RPS27L: variants seen among roughly 807,000 people sequenced by gnomAD.
The protein encoded by RPS27L is ribosomal protein S27 like.
A neutral mutation model predicts 12.8 loss-of-function variants in RPS27L; 10 were observed. That is an observed-to-expected ratio of 0.78 (90% CI 0.48 to 1.33). The LOEUF is 1.33. Among genes scored for constraint, RPS27L ranks in the 40% most tolerant of loss-of-function variants. RPS27L has a pLI of 0.00. For missense variants in RPS27L, 81 were observed against 97.4 expected, an observed-to-expected ratio of 0.83 and a Z score of 0.71; for synonymous variants, 26 against 32.3, an observed-to-expected ratio of 0.81 and a Z score of 0.66.
intron 2 of RPS27L, among the ~76,000 whole-genome samples, 162 bp downstream of exon 2, chr15:63,156,251 A>G (rs1235045008): frequency 1.3e-5 from 2 of 152,218 alleles, no homozygotes; most frequent in Non-Finnish European, 2.9e-5. Context: ...TGTTTCTACA[A>G]TGGTTTCAGT....
At chr15:63,156,282 C>A in intron 2 of RPS27L, 131 bp downstream of exon 2, 1 of 574,032 alleles carries the variant, frequency 1.7e-6, no homozygotes, top group South Asian at 2.5e-5. Context: ...TGAAAATGTC[C>A]CTGACATTTC....
At chr15:63,157,017 A>T (rs551507942) in intron 1 of RPS27L, 2 of 357,520 alleles carry the variant, frequency 5.6e-6, no homozygotes, top group African/African-American at 4.3e-5. Context: ...GACAGTTTTT[A>T]AAAAAGGAAA....
chr15:63,154,532 A>T (rs2037319599), intron 3 of RPS27L: 1 of 153,132 alleles, frequency 6.5e-6, no homozygotes, highest in South Asian at 2.1e-4. Flanking sequence ...TTGTTTCAAA[A>T]ATCTCCCAAG....
chr15:63,151,598 T>C lies in RPS27L; in HGVS notation c.*2434A>G, dbSNP rs2037299948. 6.6e-6 allele frequency: 1 copy of C among 152,168 alleles called. No individual in the cohort carries two copies. The highest frequency in any genetic ancestry group is 2.1e-4 in the South Asian group (1 of 4,828). 9.4% of individuals were successfully genotyped at this position (152,168 alleles called of 1,614,324 possible). A position where few individuals can be genotyped will look rare whatever the true frequency, so the allele number is the denominator to read the frequency against. ...ATACTTCCAAGGGAATTTTCAGGGTTTGTTAGATTAGTCCTCATCATAGGT... is the reference window on the plus strand; with the variant it reads ...ATACTTCCAAGGGAATTTTCAGGGTCTGTTAGATTAGTCCTCATCATAGGT... On this transcript the variant is annotated 3_prime_UTR_variant, in exon 4 of 4. Transcript: ENST00000330964.
rs372110783 is a variant in RPS27L, at chr15:63,149,965, T to G, written c.*4067A>C. On this transcript the variant is annotated 3_prime_UTR_variant, in exon 4 of 4. Transcript: ENST00000330964. ...GGCACGTGCCTGTAGTTCCAGCTAC[T>G]CGGGAGGCTGAGGCCAGAGGGTCAC... 25 of 152,090 alleles carry G rather than the reference T, an allele frequency of 1.6e-4. No individual in the cohort carries two copies. The highest frequency in any genetic ancestry group is 5.8e-4 in the African/African-American group (24 of 41,364). 9.4% of individuals were successfully genotyped at this position (152,090 alleles called of 1,614,324 possible). A position where few individuals can be genotyped will look rare whatever the true frequency, so the allele number is the denominator to read the frequency against.
rs1323337130 is a variant in RPS27L at position 63,150,769 on chromosome 15, T to C, written c.*3263A>G. On this transcript the variant is annotated 3_prime_UTR_variant, in exon 4 of 4. Coordinates refer to ENST00000330964, the MANE Select transcript of RPS27L (RefSeq NM_015920.4). ...CATTCTCCTGCCTCAGCCTCCCAAG[T>C]AGCTGGGACTACAGGCGCCCACCAC... 6.6e-6 allele frequency: 1 copy of C among 152,166 alleles called. No individual in the cohort carries two copies. The highest frequency in any genetic ancestry group is 1.9e-4 in the East Asian group (1 of 5,188). The allele number at this position is 152,166 out of a possible 1,614,324, so 9.4% of individuals were successfully genotyped here.
chr15:63,156,473 G>GT lies in RPS27L; in HGVS notation c.54dup (p.His19ThrfsTer2), dbSNP rs748811980. The GT allele has an allele frequency of 2.5e-6, 4 of 1,606,932 alleles. No individual in the cohort carries two copies. The South Asian group carries it at 3.3e-5, about 13-fold the overall frequency. ...CTTTGTACTAGGCGTTTCTTTTTAT[G>GT]TTTTTTCTTTTCCTCTTCCAAGGAC... is the stretch of plus-strand genomic sequence containing the variant. On this transcript the variant is annotated frameshift_variant, in exon 2 of 4. Transcript: ENST00000330964. LOFTEE classifies it high-confidence loss of function.
At chr15:63,155,876 C>G (rs75042153) in intron 2 of RPS27L, 145 bp from the exon 3 acceptor site, 1 of 434,864 alleles carries the variant, frequency 2.3e-6, no homozygotes, top group Non-Finnish European at 4.0e-6. Flanking sequence ...TTTCTAGCAG[C>G]GACACAAAAT....
rs765651156 is a variant in RPS27L, at chr15:63,155,610, A to C, written c.226+11T>G. Reference sequence around the variant, plus strand: ...TCTCATCACTGGGTTGGAGAATGCCAAATGATATACCTTCTGTGAGTCTGG... The same window carrying C: ...TCTCATCACTGGGTTGGAGAATGCCCAATGATATACCTTCTGTGAGTCTGG... On this transcript the variant is annotated intron_variant, in intron 3 of 3. Transcript: ENST00000330964. 2.6e-6 allele frequency: 4 copies of C among 1,547,386 alleles called. No individual in the cohort carries two copies. The Admixed American group carries it at 7.2e-5, about 28-fold the overall frequency.
intron 3 of RPS27L, chr15:63,154,829 T>C (rs2037321542): frequency 6.6e-6 from 1 of 152,248 alleles, no homozygotes; most frequent in African/African-American, 2.4e-5. Flanking sequence ...GTTTTTATAT[T>C]AATCATTGCA....
rs2037309860 is a variant in RPS27L, at chr15:63,152,941, G to C, written c.*1091C>G. 6.6e-6 allele frequency: 1 copy of C among 152,198 alleles called. No homozygotes were observed. The highest frequency in any genetic ancestry group is 1.5e-5 in the Non-Finnish European group (1 of 68,064). The allele number at this position is 152,198 out of a possible 1,614,324, so 9.4% of individuals were successfully genotyped here. A position where few individuals can be genotyped will look rare whatever the true frequency, so the allele number is the denominator to read the frequency against. On this transcript the variant is annotated 3_prime_UTR_variant, in exon 4 of 4. Coordinates refer to ENST00000330964, the MANE Select transcript of RPS27L (RefSeq NM_015920.4). ...TAGGAAATGCCTGTTTTAAATACCT[G>C]CCACAAGGTAACAAATCAAATAGAA...
rs1327550890 is a variant in RPS27L, at chr15:63,153,752, A to T, written c.*280T>A. 1 of 348,194 alleles carries T rather than the reference A, an allele frequency of 2.9e-6. No homozygotes were observed. Among genetic ancestry groups the T allele is most frequent in the African/African-American group, 2.1e-5 (1 of 46,530 alleles). The allele number at this position is 348,194 out of a possible 1,614,324, so 21.6% of individuals were successfully genotyped here. ...AAAAAAAAAAAAAAAGACACAAACTAATCAGAATAAATTTTAAAATGTTTA... is the reference window on the plus strand; with the variant it reads ...AAAAAAAAAAAAAAAGACACAAACTTATCAGAATAAATTTTAAAATGTTTA... On this transcript the variant is annotated 3_prime_UTR_variant, in exon 4 of 4. Transcript: ENST00000330964.
chr15:63,156,586 G>A (rs1247169135), intron 1 of RPS27L, 65 bp from the exon 2 acceptor site: 2 of 953,430 alleles, frequency 2.1e-6, no homozygotes, highest in East Asian at 2.4e-5. Flanking sequence ...TTAACCATAC[G>A]TGAAATATAC....
Position 63,153,912 on chromosome 15 carries a change from A to G in RPS27L, c.*120T>C. On this transcript the variant is annotated 3_prime_UTR_variant, in exon 4 of 4. Coordinates refer to ENST00000330964, the MANE Select transcript of RPS27L (RefSeq NM_015920.4). ...CACCAAAATAGGAGATTACTGCTGT[A>G]TACCTTACAAAACCAAATGTAATTA... The G allele has an allele frequency of 5.9e-6, 5 of 845,002 alleles. No homozygotes were observed. Among genetic ancestry groups the G allele is most frequent in the Non-Finnish European group, 1.0e-5 (5 of 501,806 alleles). 52.3% of individuals were successfully genotyped at this position (845,002 alleles called of 1,614,324 possible).
Position 63,155,733 on chromosome 15 carries a change from T to TAAAA in RPS27L, c.116-6_116-3dup. ...AAACCGTGGTGATCTTGTAGCAACC[T>TAAAA]AAAAAAAAAAAAAGGCAATGTTAAA... On this transcript the variant is annotated splice_polypyrimidine_tract_variant and splice_region_variant and intron_variant, in intron 2 of 3. Coordinates refer to ENST00000330964, the MANE Select transcript of RPS27L (RefSeq NM_015920.4). 1.6e-6 allele frequency: 2 copies of TAAAA among 1,212,606 alleles called. No homozygotes were observed. The highest frequency in any genetic ancestry group is 2.2e-6 in the Non-Finnish European group (2 of 916,062). The allele number at this position is 1,212,606 out of a possible 1,614,324, so 75.1% of individuals were successfully genotyped here.
chr15:63,155,423 A>G (rs934670233), intron 3 of RPS27L, 198 bp downstream of exon 3: 11 of 416,406 alleles, frequency 2.6e-5, no homozygotes, highest in African/African-American at 1.8e-4. Flanking sequence ...TAAACTAAGA[A>G]AAATAAGTCA....
Position 63,151,009 on chromosome 15 carries a change from T to G in RPS27L, c.*3023A>C, listed in dbSNP as rs1056554044. ...CCTTCCCCTAAAAATAAATTTATAT[T>G]AAGTTTATGGAAGGTTTCCTTTACA... On this transcript the variant is annotated 3_prime_UTR_variant, in exon 4 of 4. Coordinates refer to ENST00000330964, the MANE Select transcript of RPS27L (RefSeq NM_015920.4). 1 of 152,214 alleles carries G rather than the reference T, an allele frequency of 6.6e-6. No homozygotes were observed. The highest frequency in any genetic ancestry group is 2.4e-5 in the African/African-American group (1 of 41,456). 9.4% of individuals were successfully genotyped at this position (152,214 alleles called of 1,614,324 possible). A position where few individuals can be genotyped will look rare whatever the true frequency, so the allele number is the denominator to read the frequency against.
chr15:63,157,143 C>T, intron 1 of RPS27L: 1 of 565,126 alleles, frequency 1.8e-6, no homozygotes. Flanking sequence ...ACCAAGACCG[C>T]TCATAAGCTA....
At chr15:63,156,558 AC>A (rs770391046) in intron 1 of RPS27L, 37 bp from the exon 2 acceptor site, 3 of 1,266,732 alleles carry the variant, frequency 2.4e-6, no homozygotes, top group Admixed American at 1.8e-5. Context: ...TTAGTTTTAA[AC>A]CACAACGCTG....
Sources: allele counts gnomAD v4.1 joint callset (sites outside exome capture counted in the v4.1 genomes callset), GRCh38; gene constraint gnomAD v4.1.1; transcripts MANE v1.5; gene names NCBI Gene and HGNC (gene_info 2026-07-23, HGNC 2026-07-21).